Variants in WLS observed in about 807,000 individuals in gnomAD.
WLS encodes the protein protein wntless homolog.
A neutral mutation model predicts 62.8 loss-of-function variants in WLS; 23 were observed. The ratio of observed to expected loss-of-function variants is 0.37; its 90% CI spans 0.26 to 0.52. The LOEUF (loss-of-function observed/expected upper bound fraction) is 0.52, where lower values mean the gene tolerates loss of function less well. Among genes scored for constraint, WLS ranks in the 20% least tolerant of loss-of-function variants. The pLI, the probability that WLS is intolerant of heterozygous loss-of-function variation, is 0.92. For missense variants in WLS, 615 were observed against 697.3 expected, an observed-to-expected ratio of 0.88 and a Z score of 1.33; for synonymous variants, 246 against 244.1, an observed-to-expected ratio of 1.01 and a Z score of -0.07.
chr1:68,216,428 G>T (rs17130585), intron 1 of WLS, among the ~76,000 whole-genome samples: 12,405 of 152,274 alleles, frequency 0.081, 894 homozygotes, highest in East Asian at 0.27. Flanking sequence ...CAAATGTGAG[G>T]TATCAGGTGT....
intron 1 of WLS, among the ~76,000 whole-genome samples, chr1:68,204,402 C>G (rs1649187016): frequency 6.6e-6 from 1 of 152,032 alleles, no homozygotes; most frequent in Non-Finnish European, 1.5e-5. Context: ...TCACTGCAAG[C>G]TCCGCCTCCC....
chr1:68,112,676 G>A (rs1338586980), intron 11 of WLS, among the ~76,000 whole-genome samples: 1 of 152,178 alleles, frequency 6.6e-6, no homozygotes, highest in Non-Finnish European at 1.5e-5. Flanking sequence ...CCCCCAATCA[G>A]GAGTTACTGA....
chr1:68,127,597 C>G (rs1646453831), intron 11 of WLS, among the ~76,000 whole-genome samples: 1 of 152,108 alleles, frequency 6.6e-6, no homozygotes, highest in South Asian at 2.1e-4. Context: ...CACGTGTGCA[C>G]ACATGTTTGT....
intron 2 of WLS, chr1:68,163,224 C>T (rs2772309): frequency 0.99 from 590,082 of 596,186 alleles, 292,247 homozygotes; most frequent in East Asian, 1. Flanking sequence ...TAAATCTGTA[C>T]ACTATAAATC....
downstream of WLS, among the ~76,000 whole-genome samples, chr1:68,120,385 C>T (rs1480938421): frequency 6.6e-6 from 1 of 152,140 alleles, no homozygotes; most frequent in East Asian, 1.9e-4. Context: ...AGGTGAAGAG[C>T]TTGTTTTTAA....
In WLS at chr1:68,098,827, C is replaced by T; in HGVS notation, c.1511-74G>A. 5.2e-6 allele frequency: 8 copies of T among 1,524,014 alleles called. No individual in the cohort carries two copies. In the South Asian group the frequency reaches 6.3e-5, roughly 12 times the overall value. 94.4% of individuals were successfully genotyped at this position (1,524,014 alleles called of 1,614,324 possible). ...AAATATGTAACATGGAGTTTAGGACCAAGGCTCAGGTAACTATAAAAATTT... is the reference window on the plus strand; with the variant it reads ...AAATATGTAACATGGAGTTTAGGACTAAGGCTCAGGTAACTATAAAAATTT... On this transcript the variant is annotated intron_variant, in intron 11 of 11. Transcript: ENST00000354777.
intron 11 of WLS, among the ~76,000 whole-genome samples, chr1:68,112,790 G>A (rs891680067): frequency 6.6e-6 from 1 of 152,244 alleles, no homozygotes; most frequent in African/African-American, 2.4e-5. Context: ...GAAACCTAAT[G>A]AGAAGACTTG....
chr1:68,131,053 C>T (rs1327184148), intron 11 of WLS, among the ~76,000 whole-genome samples: 2 of 75,456 alleles, frequency 2.7e-5, no homozygotes, highest in African/African-American at 8.6e-5. Context: ...CCACCATGCC[C>T]AGCTAATTTT....
intron 1 of WLS, among the ~76,000 whole-genome samples, chr1:68,201,504 A>G (rs920563245): frequency 1.3e-5 from 2 of 152,260 alleles, no homozygotes; most frequent in African/African-American, 4.8e-5. Flanking sequence ...CTAGCTTACT[A>G]AATGAAGTAT....
chr1:68,154,218 C>T (rs761682627), intron 4 of WLS, among the ~76,000 whole-genome samples: 75 of 152,116 alleles, frequency 4.9e-4, no homozygotes, highest in Middle Eastern at 6.8e-3. Flanking sequence ...CTCTCTTGGC[C>T]GTTTAATCCT....
At chr1:68,143,909 A>G (rs984197585) in intron 10 of WLS, among the ~76,000 whole-genome samples, 1 of 152,186 alleles carries the variant, frequency 6.6e-6, no homozygotes, top group Non-Finnish European at 1.5e-5. Flanking sequence ...ATAAATGAAA[A>G]CTTTCTCCAA....
At position 68,145,998 on chromosome 1, in the gene WLS, G is replaced by A. The variant is rs762066362; in HGVS notation, c.1149C>T (p.Ile383=). The A allele has an allele frequency of 6.8e-6, 11 of 1,614,016 alleles. 1 individual carries two copies. Among genetic ancestry groups the A allele is most frequent in the East Asian group, 6.7e-5 (3 of 44,888 alleles). Residue 383 remains isoleucine, a synonymous_variant, in exon 9 of 12, where the codon ATC becomes ATT. Transcript: ENST00000262348. ...IGTELAMAFI[I]VAGICLCLYF... ...AGAGGCAGAGGCAGATTCCAGCCAC[G>A]ATGATGAAGGCCATCTGGTCGTGTC...
chr1:68,130,959 T>A (rs995034179), intron 11 of WLS, among the ~76,000 whole-genome samples: 13 of 144,522 alleles, frequency 9.0e-5, no homozygotes, highest in Middle Eastern at 7.4e-3. Flanking sequence ...AGTGGAGCGA[T>A]CTCAGCACTG....
chr1:68,103,678 C>G (rs1425925878), intron 11 of WLS, among the ~76,000 whole-genome samples: 1 of 152,088 alleles, frequency 6.6e-6, no homozygotes, highest in East Asian at 1.9e-4. Context: ...TTTGGGAAGT[C>G]TTATCAGAAG....
rs111836708 is a variant in WLS, at chr1:68,162,789, G to T, written c.380-3542C>A. The T allele has an allele frequency of 1.1e-4, 118 of 1,119,426 alleles. 2 individuals are homozygous for T. The African/African-American group carries it at 1.4e-3, about 13-fold the overall frequency. 69.3% of individuals were successfully genotyped at this position (1,119,426 alleles called of 1,614,324 possible). On this transcript the variant is annotated intron_variant, in intron 2 of 11. Transcript: ENST00000262348. The stretch of plus-strand genomic sequence containing the variant: ...TATCGTAGCCACTGCCTATCTGCAC[G>T]ATCACTCTCGGGGCCTTAAACTTTT...
chr1:68,144,721 T>C lies in WLS; in HGVS notation c.1279-69A>G. On this transcript the variant is annotated intron_variant, in intron 9 of 11. Coordinates refer to ENST00000262348, the MANE Select transcript of WLS (RefSeq NM_024911.7). ...ATCCTTTTCTCACTATGTAAATCTA[T>C]AAAAAGCTTAATTTTAAAGAAATCT... 3.9e-6 allele frequency: 5 copies of C among 1,279,382 alleles called. No homozygotes were observed. The East Asian group carries it at 9.5e-5, about 24-fold the overall frequency. The allele number at this position is 1,279,382 out of a possible 1,614,324, so 79.3% of individuals were successfully genotyped here.
chr1:68,166,769 C>T (rs981011703), intron 2 of WLS, among the ~76,000 whole-genome samples: 9 of 152,108 alleles, frequency 5.9e-5, no homozygotes, highest in African/African-American at 1.2e-4. Context: ...CATGTTCTGC[C>T]GTCTCTTCAC....
intron 1 of WLS, chr1:68,201,887 C>T (rs914252926): frequency 6.6e-6 from 1 of 152,164 alleles, no homozygotes; most frequent in Non-Finnish European, 1.5e-5. Context: ...ATTTTGACAG[C>T]AATTTTCCAA....
At chr1:68,231,314 C>G (rs1166458935) in intron 1 of WLS, among the ~76,000 whole-genome samples, 3 of 151,960 alleles carry the variant, frequency 2.0e-5, no homozygotes, top group South Asian at 4.2e-4. Context: ...GCGCTGTCGC[C>G]GAGGAGGCCG....
Sources: allele counts gnomAD v4.1 joint callset (sites outside exome capture counted in the v4.1 genomes callset), GRCh38; gene constraint gnomAD v4.1.1; transcripts MANE v1.5; gene names NCBI Gene and HGNC (gene_info 2026-07-23, HGNC 2026-07-21).